The following PTPRN2 variants were observed in gnomAD, a reference collection of about 807,000 sequenced individuals.
PTPRN2 encodes the protein protein tyrosine phosphatase receptor type N2, also known as receptor-type tyrosine-protein phosphatase N2.
Under a neutral mutation model 118.8 loss-of-function variants are expected in PTPRN2, and 74 were observed. That is an observed-to-expected ratio of 0.62 (90% CI 0.52 to 0.76). PTPRN2 has a LOEUF of 0.76. PTPRN2 is among the 30% of genes least tolerant of loss of function. The pLI is 0.00. For synonymous variants in PTPRN2, 641 were observed against 608.0 expected (o/e 1.05, Z -0.80); for missense variants, 1,481 against 1,394.4 (o/e 1.06, Z -0.99).
chr7:158,081,429 G>A (rs369219240), intron 10 of PTPRN2, 52 bp from the exon 11 acceptor site: 125 of 1,538,388 alleles, frequency 8.1e-5, no homozygotes, highest in East Asian at 3.4e-4. Context: ...GCGCCACACC[G>A]CTTTTCTGAA....
At chr7:157,819,194 T>C (rs1345443060) in intron 12 of PTPRN2, among the ~76,000 whole-genome samples, 1 of 152,172 alleles carries the variant, frequency 6.6e-6, no homozygotes, top group African/African-American at 2.4e-5. Context: ...AGGGCTCTGC[T>C]GCCTGGGAGC....
At chr7:158,002,456 C>T (rs1323401647) in intron 11 of PTPRN2, among the ~76,000 whole-genome samples, 1 of 152,150 alleles carries the variant, frequency 6.6e-6, no homozygotes, top group Non-Finnish European at 1.5e-5. Flanking sequence ...TTTTGTTGCC[C>T]GAATCCCCAG....
intron 11 of PTPRN2, among the ~76,000 whole-genome samples, chr7:157,988,653 G>A (rs1240328488): frequency 2.0e-5 from 3 of 152,222 alleles, no homozygotes; most frequent in Non-Finnish European, 4.4e-5. Flanking sequence ...AGGGGGGCTG[G>A]AGGGAACCGG....
At chr7:158,250,248 T>C (rs1056712825) in intron 3 of PTPRN2, among the ~76,000 whole-genome samples, 2 of 152,170 alleles carry the variant, frequency 1.3e-5, no homozygotes, top group African/African-American at 4.8e-5. Flanking sequence ...TCAGATAAAG[T>C]AGGACACTTA....
At chr7:157,595,595 T>TTAGGAAGCCAGGAGG (rs1563245636) in intron 16 of PTPRN2, among the ~76,000 whole-genome samples, 10 of 48,790 alleles carry the variant, frequency 2.0e-4, no homozygotes, top group African/African-American at 1.2e-3. Context: ...AAGCCTGGTG[T>TTAGGAAGCCAGGAGG]TTAGGAAGCC....
intron 3 of PTPRN2, among the ~76,000 whole-genome samples, chr7:158,248,998 C>G (rs978157545): frequency 2.6e-5 from 4 of 151,688 alleles, no homozygotes; most frequent in African/African-American, 9.7e-5. Flanking sequence ...GCACACATCA[C>G]ACATGCAGCA....
intron 11 of PTPRN2, among the ~76,000 whole-genome samples, chr7:157,998,273 C>T (rs190979279): frequency 1.5e-3 from 225 of 152,288 alleles, no homozygotes; most frequent in African/African-American, 5.2e-3. Flanking sequence ...TTAATTTGTA[C>T]TCCTCTGTGG....
chr7:157,554,719 CAA>C (rs1246703879), intron 21 of PTPRN2, among the ~76,000 whole-genome samples: 1 of 152,148 alleles, frequency 6.6e-6, no homozygotes, highest in Non-Finnish European at 1.5e-5. Context: ...AGCGCACACA[CAA>C]AGAAAATCCA....
chr7:158,287,985 A>G (rs1400743336), intron 3 of PTPRN2, among the ~76,000 whole-genome samples: 1 of 152,114 alleles, frequency 6.6e-6, no homozygotes, highest in African/African-American at 2.4e-5. Context: ...TTACATACTT[A>G]GGTTCTCCAG....
chr7:157,586,493 C>G (rs1369463405), intron 17 of PTPRN2, among the ~76,000 whole-genome samples: 1 of 152,196 alleles, frequency 6.6e-6, no homozygotes, highest in Non-Finnish European at 1.5e-5. Flanking sequence ...TTAAGGTAAC[C>G]AAGGACCCAG....
intron 2 of PTPRN2, among the ~76,000 whole-genome samples, chr7:158,423,539 ATTT>A (rs11419691): frequency 6.7e-6 from 1 of 148,184 alleles, no homozygotes; most frequent in Non-Finnish European, 1.5e-5. Flanking sequence ...CTGGTTCCTC[ATTT>A]TTTTTTTTTG....
At chr7:157,543,790 G>A (rs1303214408) in intron 22 of PTPRN2, among the ~76,000 whole-genome samples, 1 of 152,202 alleles carries the variant, frequency 6.6e-6, no homozygotes, top group Non-Finnish European at 1.5e-5. Context: ...CTCTCAAAAG[G>A]GGGTGAGGAT....
At chr7:157,673,881 C>T (rs1302039646) in intron 13 of PTPRN2, among the ~76,000 whole-genome samples, 1 of 143,170 alleles carries the variant, frequency 7.0e-6, no homozygotes, top group Non-Finnish European at 1.6e-5. Flanking sequence ...CGGGTTCACA[C>T]TGGGGAGTCC....
chr7:158,308,486 C>G (rs1042793594), intron 3 of PTPRN2, among the ~76,000 whole-genome samples: 9 of 152,078 alleles, frequency 5.9e-5, no homozygotes, highest in Admixed American at 4.6e-4. Context: ...CATTTATTTT[C>G]TCCTAATTTT....
chr7:158,374,002 C>A (rs750476391), intron 2 of PTPRN2, among the ~76,000 whole-genome samples: 4 of 152,236 alleles, frequency 2.6e-5, no homozygotes, highest in Non-Finnish European at 5.9e-5. Context: ...CTGAGGGAAA[C>A]GGGCAGAGTG....
chr7:158,080,314 C>CAAAA (rs556546951), intron 11 of PTPRN2, among the ~76,000 whole-genome samples: 24 of 72,188 alleles, frequency 3.3e-4, no homozygotes, highest in African/African-American at 4.9e-4. Flanking sequence ...CAAATTTAAG[C>CAAAA]AAAAAAAAAA....
intron 5 of PTPRN2, among the ~76,000 whole-genome samples, chr7:158,188,207 T>TCA (rs1563576424): frequency 1.4e-5 from 1 of 71,316 alleles, no homozygotes; most frequent in Admixed American, 1.7e-4. Context: ...GCCGCCACGC[T>TCA]CGCCGCCTGA....
intron 11 of PTPRN2, among the ~76,000 whole-genome samples, chr7:157,991,771 A>T (rs1410805447): frequency 6.6e-6 from 1 of 151,572 alleles, no homozygotes; most frequent in African/African-American, 2.4e-5. Flanking sequence ...AAGGGCACCT[A>T]AGCACCAAGC....
rs2150631883 is a variant in PTPRN2 at position 157,619,525 on chromosome 7, A to G, written c.2344+1837T>C. Among the ~76,000 whole-genome samples, 3 of 152,270 alleles carry G rather than the reference A, an allele frequency of 2.0e-5. No homozygotes were observed. The South Asian group carries it at 6.2e-4, about 32-fold the overall frequency. ...GGCCGGTGCTTAGTAAATATCTGTT[A>G]GTTGGCTAATGGGATGTATTGTATT... On this transcript the variant is annotated intron_variant, in intron 15 of 22. Coordinates refer to ENST00000389418, the MANE Select transcript of PTPRN2 (RefSeq NM_002847.5). This position sits in a 1 kb window ranked among gnomAD's most constrained non-coding sequence, Gnocchi z 5.3.
Sources: allele counts gnomAD v4.1 joint callset (sites outside exome capture counted in the v4.1 genomes callset), GRCh38; gene constraint gnomAD v4.1.1; non-coding constraint Gnocchi (gnomAD v3.1); transcripts MANE v1.5; gene names NCBI Gene and HGNC (gene_info 2026-07-23, HGNC 2026-07-21).